The following NTRK3 variants were observed in gnomAD, a reference collection of about 807,000 sequenced individuals.
NTRK3 encodes the protein NT-3 growth factor receptor.
In NTRK3, 24 loss-of-function variants were observed where a neutral mutation model predicts 91.7. The observed-to-expected ratio is 0.26, with a 90% CI of 0.19 to 0.37. The LOEUF (loss-of-function observed/expected upper bound fraction) is 0.37. Ranked by LOEUF, NTRK3 falls within the 10% of genes least tolerant of loss-of-function variation. The probability of loss-of-function intolerance (pLI) is 1.00; values close to 1 mark genes in which losing one functional copy is unlikely to be tolerated. For missense variants in NTRK3, 880 were observed against 1,068.9 expected (o/e 0.82, Z 2.46); for synonymous variants, 483 against 404.0 (o/e 1.20, Z -2.34).
At chr15:87,996,101 G>A (rs905230803) in intron 14 of NTRK3, among the ~76,000 whole-genome samples, 9 of 151,830 alleles carry the variant, frequency 5.9e-5, no homozygotes, top group East Asian at 1.9e-4. Context: ...AAAATTAGCC[G>A]GGCATGGTGG....
chr15:88,044,015 G>T (rs2079904529), intron 13 of NTRK3, among the ~76,000 whole-genome samples: 1 of 152,132 alleles, frequency 6.6e-6, no homozygotes, highest in South Asian at 2.1e-4. Context: ...TCAGAGTGAT[G>T]ATCTGAAATA....
chr15:88,157,009 A>T (rs896756666), intron 5 of NTRK3, among the ~76,000 whole-genome samples: 4 of 152,100 alleles, frequency 2.6e-5, no homozygotes, highest in African/African-American at 9.7e-5. Flanking sequence ...ACCTCAGCAG[A>T]AAAAGGCCTA....
At chr15:87,898,116 T>C (rs949220900) in intron 17 of NTRK3, among the ~76,000 whole-genome samples, 8 of 152,234 alleles carry the variant, frequency 5.3e-5, no homozygotes, top group Non-Finnish European at 1.2e-4. Flanking sequence ...TGCTAATTTC[T>C]CAATGATTAT....
At chr15:88,080,759 C>T (rs773627701) in intron 13 of NTRK3, among the ~76,000 whole-genome samples, 1 of 152,232 alleles carries the variant, frequency 6.6e-6, no homozygotes, top group Non-Finnish European at 1.5e-5. Flanking sequence ...TGGTTAGTCC[C>T]TGGCCTGGTT....
At chr15:88,111,274 G>A (rs1408001951) in intron 13 of NTRK3, among the ~76,000 whole-genome samples, 1 of 152,162 alleles carries the variant, frequency 6.6e-6, no homozygotes, top group Non-Finnish European at 1.5e-5. Flanking sequence ...ATATGGAATT[G>A]AGGTTTCTAC....
At chr15:88,106,046 T>G (rs1486521119) in intron 13 of NTRK3, among the ~76,000 whole-genome samples, 1 of 152,256 alleles carries the variant, frequency 6.6e-6, no homozygotes, top group African/African-American at 2.4e-5. Flanking sequence ...TAGGTGTGTA[T>G]GTGTGCGTAT....
chr15:87,979,269 T>C (rs2073991541), intron 14 of NTRK3: 1 of 1,058,554 alleles, frequency 9.4e-7, no homozygotes, highest in Non-Finnish European at 1.5e-6. Flanking sequence ...AAGAGAACAA[T>C]GCCTAGAGCT....
chr15:87,984,639 G>A lies in NTRK3; in HGVS notation c.1586-43886C>T, dbSNP rs186821965. On this transcript the variant is annotated intron_variant, in intron 14 of 18. Transcript: ENST00000394480. ...CACAGGCCGTATATGGCCTTATGAT[G>A]TGCCTTTTATTTTATTTTTTAACAC... Among the ~76,000 whole-genome samples the A allele has an allele frequency of 1.5e-3, 223 of 152,312 alleles. 1 individual carries two copies. The highest frequency in any genetic ancestry group is 2.7e-3 in the Non-Finnish European group (182 of 68,024).
chr15:88,214,407 G>T (rs7176444), intron 3 of NTRK3, among the ~76,000 whole-genome samples: 123,985 of 152,074 alleles, frequency 0.82, 51,503 homozygotes, highest in East Asian at 0.98. Flanking sequence ...TCTGCGTGTG[G>T]CTGGGTCCAC....
At chr15:88,225,298 G>T (rs1434285787) in intron 3 of NTRK3, among the ~76,000 whole-genome samples, 1 of 152,278 alleles carries the variant, frequency 6.6e-6, no homozygotes, top group East Asian at 1.9e-4. Flanking sequence ...CAAATACTGG[G>T]CTTAAGCAGG....
intron 3 of NTRK3, among the ~76,000 whole-genome samples, chr15:88,225,613 G>C (rs2050604344): frequency 6.6e-6 from 1 of 152,116 alleles, no homozygotes; most frequent in Non-Finnish European, 1.5e-5. Context: ...TGATATCTCT[G>C]TTTTAAGTCA....
intron 13 of NTRK3, among the ~76,000 whole-genome samples, chr15:88,113,879 T>A (rs2051733679): frequency 6.6e-6 from 1 of 152,220 alleles, no homozygotes; most frequent in South Asian, 2.1e-4. Flanking sequence ...ATCTACACAA[T>A]AGTTTCTCAA....
At chr15:88,106,951 A>C (rs1055411744) in intron 13 of NTRK3, among the ~76,000 whole-genome samples, 2 of 152,042 alleles carry the variant, frequency 1.3e-5, no homozygotes, top group East Asian at 3.9e-4. Flanking sequence ...AAAAAAAAAA[A>C]AAGTATGGGA....
At chr15:87,976,285 C>G (rs1439179932) in intron 14 of NTRK3, among the ~76,000 whole-genome samples, 5 of 152,126 alleles carry the variant, frequency 3.3e-5, no homozygotes, top group African/African-American at 1.2e-4. Context: ...CAGGAGCTTC[C>G]ATTTGGCATA....
At chr15:88,187,254 C>T (rs1227529636) in intron 3 of NTRK3, among the ~76,000 whole-genome samples, 2 of 152,176 alleles carry the variant, frequency 1.3e-5, no homozygotes, top group Admixed American at 6.5e-5. Context: ...TCCAGGAAAA[C>T]TGTTCCAGCA....
chr15:88,172,709 C>T (rs1431767693), intron 5 of NTRK3, among the ~76,000 whole-genome samples: 2 of 152,300 alleles, frequency 1.3e-5, no homozygotes, highest in East Asian at 3.9e-4. Flanking sequence ...AGGCACGTGG[C>T]CATGTTATCT....
intron 13 of NTRK3, among the ~76,000 whole-genome samples, chr15:88,122,401 A>G (rs2052814472): frequency 6.6e-6 from 1 of 152,196 alleles, no homozygotes; most frequent in African/African-American, 2.4e-5. Context: ...ACACAGAGAC[A>G]GAGATACAGG....
intron 5 of NTRK3, among the ~76,000 whole-genome samples, chr15:88,159,435 C>T (rs1175656444): frequency 6.6e-6 from 1 of 152,120 alleles, no homozygotes; most frequent in Admixed American, 6.5e-5. Flanking sequence ...AATTACCAGG[C>T]CTCCTGAGTT....
intron 13 of NTRK3, among the ~76,000 whole-genome samples, chr15:88,112,698 C>T (rs2051549094): frequency 6.6e-6 from 1 of 152,192 alleles, no homozygotes; most frequent in South Asian, 2.1e-4. Flanking sequence ...GCTCTAAGGG[C>T]TCTTGGTCCC....
Sources: gnomAD v4.1 joint callset for allele counts (sites outside exome capture counted in the v4.1 genomes callset) on GRCh38, gnomAD v4.1.1 for gene constraint, MANE v1.5 for transcripts, NCBI Gene and HGNC (gene_info 2026-07-23, HGNC 2026-07-21) for gene names.